The following PDGFC variants were observed in gnomAD, a reference collection of about 807,000 sequenced individuals.
The protein encoded by PDGFC is platelet-derived growth factor C.
A neutral mutation model predicts 35.5 loss-of-function variants in PDGFC; 12 were observed. That is an observed-to-expected ratio of 0.34 (90% CI 0.22 to 0.55). PDGFC has a LOEUF of 0.55. Ranked by LOEUF, PDGFC falls within the 20% of genes least tolerant of loss-of-function variation. The pLI is 0.91. For synonymous variants in PDGFC, 159 were observed against 148.8 expected (o/e 1.07, Z -0.50); for missense variants, 322 against 412.4 (o/e 0.78, Z 1.90).
At chr4:156,901,015 C>T (rs187066240) in intron 1 of PDGFC, among the ~76,000 whole-genome samples, 46 of 151,902 alleles carry the variant, frequency 3.0e-4, no homozygotes, top group African/African-American at 1.1e-3. Context: ...AGAGAGAATG[C>T]AAAAGATGAA....
intron 1 of PDGFC, among the ~76,000 whole-genome samples, chr4:156,859,969 A>G (rs1330827842): frequency 6.6e-6 from 1 of 152,152 alleles, no homozygotes; most frequent in African/African-American, 2.4e-5. Flanking sequence ...TGTAACAACT[A>G]GCAAAATTCT....
intron 1 of PDGFC, among the ~76,000 whole-genome samples, chr4:156,959,753 G>A (rs1417386088): frequency 6.6e-6 from 1 of 151,928 alleles, no homozygotes; most frequent in Non-Finnish European, 1.5e-5. Flanking sequence ...TGCTACGGTA[G>A]GTTGGCCACT....
rs1192469833 is a variant in PDGFC at position 156,850,279 on chromosome 4, T to C, written c.256A>G (p.Ile86Val). ...AATCTTTCATCAAACGTAAGTTGTA[T>C]CCATACATTTTCCTCTACTGCTACT... The part of the protein sequence containing the change: ...RLVAVEENVW[I>V]QLTFDERFGL... Residue 86 changes from isoleucine (I) to valine (V), a missense_variant, in exon 2 of 6, where the codon ATA becomes GTA. This residue lies in a region of PDGFC where 120 missense variants were observed against 116.6 expected (regional missense o/e 1.03). Coordinates refer to ENST00000502773, the MANE Select transcript of PDGFC (RefSeq NM_016205.3). 1.2e-6 allele frequency: 2 copies of C among 1,609,902 alleles called. No homozygotes were observed. Among genetic ancestry groups the C allele is most frequent in the East Asian group, 2.2e-5 (1 of 44,708 alleles).
chr4:156,833,968 A>G (rs1729004131), intron 2 of PDGFC, among the ~76,000 whole-genome samples: 1 of 152,218 alleles, frequency 6.6e-6, no homozygotes. Flanking sequence ...CAGGATCTCA[A>G]TAACTTGAGA....
At chr4:156,943,456 G>A (rs1189015180) in intron 1 of PDGFC, among the ~76,000 whole-genome samples, 4 of 152,044 alleles carry the variant, frequency 2.6e-5, no homozygotes, top group African/African-American at 9.7e-5. Flanking sequence ...CAAGCCTACT[G>A]ATGTAGAATC....
intron 1 of PDGFC, among the ~76,000 whole-genome samples, chr4:156,885,980 A>G (rs1730366931): frequency 6.6e-6 from 1 of 152,196 alleles, no homozygotes; most frequent in Non-Finnish European, 1.5e-5. Flanking sequence ...TAGGTATCCT[A>G]GCTCTTAGAC....
chr4:156,780,694 G>C (rs142008763), intron 3 of PDGFC, among the ~76,000 whole-genome samples: 1 of 152,274 alleles, frequency 6.6e-6, no homozygotes, highest in African/African-American at 2.4e-5. Context: ...AGTATAAAAA[G>C]AGTGTTAAGT....
intron 1 of PDGFC, among the ~76,000 whole-genome samples, chr4:156,920,990 G>A (rs1731262765): frequency 6.6e-6 from 1 of 152,284 alleles, no homozygotes; most frequent in East Asian, 1.9e-4. Flanking sequence ...AAAATGGATT[G>A]TTAACTGAGA....
In PDGFC at chr4:156,906,148, A is replaced by C. The variant is rs934888202; in HGVS notation, c.119-55732T>G. Among the ~76,000 whole-genome samples, 11 of 152,316 alleles carry C rather than the reference A, an allele frequency of 7.2e-5. 1 individual carries two copies. Among genetic ancestry groups the C allele is most frequent in the Admixed American group, 6.5e-4 (10 of 15,308 alleles). On this transcript the variant is annotated intron_variant, in intron 1 of 5. Transcript: ENST00000502773. ...TTATCAGAAATTTTCAAAACAAGTA[A>C]GAATATTTTAAAAACAAGAATATTT...
At chr4:156,921,457 T>C (rs112913798) in intron 1 of PDGFC, among the ~76,000 whole-genome samples, 1 of 151,896 alleles carries the variant, frequency 6.6e-6, no homozygotes, top group African/African-American at 2.4e-5. Flanking sequence ...CCAGAGAACT[T>C]GGTGACTGTA....
At chr4:156,904,285 CAT>C (rs1730862498) in intron 1 of PDGFC, among the ~76,000 whole-genome samples, 1 of 151,990 alleles carries the variant, frequency 6.6e-6, no homozygotes, top group Non-Finnish European at 1.5e-5. Flanking sequence ...GGAAAGAGAT[CAT>C]AATTAAAAGC....
chr4:156,866,439 T>C (rs1474896242), intron 1 of PDGFC, among the ~76,000 whole-genome samples: 1 of 152,184 alleles, frequency 6.6e-6, no homozygotes, highest in Non-Finnish European at 1.5e-5. Flanking sequence ...TAAGGAACTG[T>C]TGAAATGACA....
chr4:156,764,007 G>C (rs943159072), intron 5 of PDGFC, among the ~76,000 whole-genome samples: 3 of 152,154 alleles, frequency 2.0e-5, no homozygotes, highest in Non-Finnish European at 1.5e-5. Flanking sequence ...AGTATTTGGT[G>C]TTGCTACCTA....
At chr4:156,807,110 T>C (rs1731790788) in intron 3 of PDGFC, among the ~76,000 whole-genome samples, 2 of 151,946 alleles carry the variant, frequency 1.3e-5, no homozygotes, top group African/African-American at 4.8e-5. Flanking sequence ...TATGTATCAT[T>C]TGGCATCAAT....
At chr4:156,958,501 G>C (rs1732263933) in intron 1 of PDGFC, among the ~76,000 whole-genome samples, 1 of 151,922 alleles carries the variant, frequency 6.6e-6, no homozygotes, top group African/African-American at 2.4e-5. Flanking sequence ...AACTTAGAAA[G>C]GCTCATTGAT....
intron 1 of PDGFC, among the ~76,000 whole-genome samples, chr4:156,923,553 A>T (rs1484875566): frequency 1.3e-5 from 2 of 152,208 alleles, no homozygotes; most frequent in African/African-American, 2.4e-5. Flanking sequence ...AGCAGTTTCA[A>T]AGAAAACTCT....
chr4:156,933,407 A>C (rs1731599535), intron 1 of PDGFC, among the ~76,000 whole-genome samples: 1 of 152,216 alleles, frequency 6.6e-6, no homozygotes, highest in African/African-American at 2.4e-5. Context: ...CAAAACTTTA[A>C]GTCACCCAAG....
intron 1 of PDGFC, among the ~76,000 whole-genome samples, chr4:156,863,981 T>G (rs1729776117): frequency 2.0e-5 from 3 of 152,140 alleles, no homozygotes; most frequent in Non-Finnish European, 4.4e-5. Flanking sequence ...TGCCAAAGCT[T>G]CTGTTTGTTT....
chr4:156,938,427 G>A (rs1731732362), intron 1 of PDGFC, among the ~76,000 whole-genome samples: 1 of 152,076 alleles, frequency 6.6e-6, no homozygotes, highest in Admixed American at 6.6e-5. Flanking sequence ...AGAGATTCAT[G>A]GTCCTGGGAC....
Sources: allele counts gnomAD v4.1 joint callset (sites outside exome capture counted in the v4.1 genomes callset), GRCh38; gene constraint gnomAD v4.1.1; regional missense constraint gnomAD v4.1.1; transcripts MANE v1.5; gene names NCBI Gene and HGNC (gene_info 2026-07-23, HGNC 2026-07-21).